Variants in XKR9 observed in about 807,000 individuals in gnomAD.
XKR9 encodes XK related 9, also known as XK-related protein 9.
A neutral mutation model predicts 32.0 loss-of-function variants in XKR9; 32 were observed. That is an observed-to-expected ratio of 1.00 (90% CI 0.76 to 1.34). The LOEUF (loss-of-function observed/expected upper bound fraction) is 1.34, where lower values mean the gene tolerates loss of function less well. Ranked by LOEUF, XKR9 falls within the 40% of genes most tolerant of loss-of-function variation. The pLI, the probability that XKR9 is intolerant of heterozygous loss-of-function variation, is 0.00. For synonymous variants in XKR9, 168 were observed against 143.4 expected (o/e 1.17, Z -1.22); for missense variants, 546 against 429.7 (o/e 1.27, Z -2.39).
chr8:70,823,876 C>A, the XKR9 span, among the ~76,000 whole-genome samples: 1 of 152,012 alleles, frequency 6.6e-6, no homozygotes, highest in African/African-American at 2.4e-5. Flanking sequence ...GAAGGAAAGG[C>A]GCTAGCAACA....
intron 2 of XKR9, among the ~76,000 whole-genome samples, chr8:70,680,553 T>G (rs373425181): frequency 1.3e-5 from 2 of 152,266 alleles, no homozygotes; most frequent in African/African-American, 4.8e-5. Flanking sequence ...AATAGTCGTG[T>G]GATAAATTTC....
In XKR9 at chr8:70,734,390, G is replaced by C. The variant is rs148334859; in HGVS notation, c.1088G>C (p.Arg363Thr). The C allele has an allele frequency of 4.1e-4, 659 of 1,602,504 alleles. No homozygotes were observed. In the African/African-American group the frequency reaches 7.8e-3, roughly 19 times the overall value. The change falls in exon 5 of 5, where the codon AGA (arginine) becomes ACA (threonine). Residue 363 changes from arginine (R) to threonine (T), a missense_variant. Transcript: ENST00000408926. ...GAAATTGATGGAAAACCAGTTCTAA[G>C]AGAATGTAGAATGAGATATTTCCTA... ...CDEIDGKPVL[R>T]ECRMRYFLME
chr8:70,677,226 AC>A (rs1358864309), intron 2 of XKR9, among the ~76,000 whole-genome samples: 1 of 145,592 alleles, frequency 6.9e-6, no homozygotes, highest in Non-Finnish European at 1.6e-5. Flanking sequence ...GTTCACTGCA[AC>A]CCCCACTTCC....
chr8:70,888,070 A>G, the XKR9 span, among the ~76,000 whole-genome samples: 20 of 151,766 alleles, frequency 1.3e-4, no homozygotes, highest in African/African-American at 4.3e-4. Context: ...TGTTGAGAAC[A>G]TTCAAAATTC....
At chr8:71,010,771 C>T in the XKR9 span, among the ~76,000 whole-genome samples, 1 of 152,150 alleles carries the variant, frequency 6.6e-6, no homozygotes, top group African/African-American at 2.4e-5. Flanking sequence ...TTGCCCCAGG[C>T]TCCATAATTT....
chr8:70,762,504 T>A (rs2130211772), intron 2 of XKR9, among the ~76,000 whole-genome samples: 1 of 152,304 alleles, frequency 6.6e-6, no homozygotes, highest in East Asian at 1.9e-4. Context: ...ATCCAGATTG[T>A]CTGCTCCTTA....
the XKR9 span, among the ~76,000 whole-genome samples, chr8:70,983,412 G>A: frequency 6.6e-6 from 1 of 152,034 alleles, no homozygotes; most frequent in African/African-American, 2.4e-5. Flanking sequence ...GTGTTTCCTG[G>A]CAGACTCCAT....
chr8:70,930,337 G>A, the XKR9 span, among the ~76,000 whole-genome samples: 1 of 152,110 alleles, frequency 6.6e-6, no homozygotes, highest in Non-Finnish European at 1.5e-5. Context: ...CTTGTGAGAA[G>A]GGCTAGGATG....
the XKR9 span, among the ~76,000 whole-genome samples, chr8:70,978,445 C>G: frequency 1.3e-5 from 2 of 152,162 alleles, no homozygotes; most frequent in African/African-American, 4.8e-5. Context: ...GACAAAATCT[C>G]TCAGCATTTG....
At chr8:70,681,824 C>T (rs1188552614) in intron 3 of XKR9, among the ~76,000 whole-genome samples, 3 of 152,058 alleles carry the variant, frequency 2.0e-5, no homozygotes, top group Non-Finnish European at 4.4e-5. Context: ...AAACGAGACT[C>T]TAAATAGGCC....
the XKR9 span, among the ~76,000 whole-genome samples, chr8:71,012,250 AG>A: frequency 2.4e-4 from 37 of 152,296 alleles, no homozygotes; most frequent in South Asian, 7.5e-3. Flanking sequence ...AAGACAGATA[AG>A]GAGAGAGGTG....
chr8:70,686,327 T>G (rs1819276917), intron 3 of XKR9, among the ~76,000 whole-genome samples: 2 of 150,862 alleles, frequency 1.3e-5, no homozygotes, highest in South Asian at 4.2e-4. Context: ...CTGCAACCTC[T>G]AACTCCCTGG....
At chr8:70,730,829 G>A (rs1304631945) in intron 4 of XKR9, among the ~76,000 whole-genome samples, 1 of 152,348 alleles carries the variant, frequency 6.6e-6, no homozygotes, top group Non-Finnish European at 1.5e-5. Context: ...CCCAGAAGAA[G>A]TCTAAAGCAG....
chr8:70,834,727 C>T, the XKR9 span, among the ~76,000 whole-genome samples: 1 of 152,040 alleles, frequency 6.6e-6, no homozygotes, highest in Non-Finnish European at 1.5e-5. Flanking sequence ...TTATGCTGAG[C>T]AGGACAAGAC....
chr8:70,705,859 C>G (rs62530791), intron 3 of XKR9, among the ~76,000 whole-genome samples: 11,051 of 152,100 alleles, frequency 0.073, 489 homozygotes, highest in Non-Finnish European at 0.089. Flanking sequence ...GAATCCAGGC[C>G]AGAGAGTTGG....
chr8:70,859,344 T>G, the XKR9 span, among the ~76,000 whole-genome samples: 1 of 152,098 alleles, frequency 6.6e-6, no homozygotes, highest in Non-Finnish European at 1.5e-5. Flanking sequence ...AAAGACATTT[T>G]TGAAATAAGG....
the XKR9 span, among the ~76,000 whole-genome samples, chr8:70,860,952 G>T: frequency 6.6e-6 from 1 of 152,096 alleles, no homozygotes; most frequent in East Asian, 1.9e-4. Context: ...ACTAAAAGAT[G>T]TTAGCTATTG....
intron 4 of XKR9, among the ~76,000 whole-genome samples, chr8:70,716,683 G>C (rs1048542675): frequency 6.6e-6 from 1 of 152,060 alleles, no homozygotes; most frequent in Non-Finnish European, 1.5e-5. Flanking sequence ...TTTGGGTGGG[G>C]ACACAAAGCC....
downstream of XKR9, among the ~76,000 whole-genome samples, chr8:70,795,081 A>G (rs1365336454): frequency 6.6e-6 from 1 of 151,932 alleles, no homozygotes; most frequent in Non-Finnish European, 1.5e-5. Context: ...TCATACTGGT[A>G]TTAAGCTTAG....
Sources: allele counts gnomAD v4.1 joint callset (sites outside exome capture counted in the v4.1 genomes callset), GRCh38; gene constraint gnomAD v4.1.1; transcripts MANE v1.5; gene names NCBI Gene and HGNC (gene_info 2026-07-23, HGNC 2026-07-21).